AQP3: variants seen among roughly 807,000 people sequenced by gnomAD.
AQP3 encodes the protein aquaporin 3 (Gill blood group), also known as aquaporin-3.
Under a neutral mutation model 30.3 loss-of-function variants are expected in AQP3, and 15 were observed. The observed-to-expected ratio is 0.49, with a 90% CI of 0.33 to 0.76. The LOEUF is 0.76. AQP3 is among the 30% of genes least tolerant of loss of function. The pLI is 0.02. For synonymous variants in AQP3, 153 were observed against 163.2 expected (o/e 0.94, Z 0.47); for missense variants, 272 against 384.8 (o/e 0.71, Z 2.45).
intron 4 of AQP3, 159 bp from the exon 5 acceptor site, chr9:33,442,677 C>T: frequency 4.7e-6 from 5 of 1,073,706 alleles, no homozygotes; most frequent in Non-Finnish European, 7.1e-6. Context: ...TGACAAGAAC[C>T]CGCTGGAGAG....
At position 33,443,615 on chromosome 9, in the gene AQP3, C is replaced by A; in HGVS notation, c.235+151G>T. ...TAATCTCTGATTCCAAGGTGAGAGT[C>A]GAAAGTTCTAAGTGTCAAGTTTCTT... On this transcript the variant is annotated intron_variant, in intron 2 of 5. Coordinates refer to ENST00000297991, the MANE Select transcript of AQP3 (RefSeq NM_004925.5). This position sits in a 1 kb window ranked among gnomAD's most constrained non-coding sequence, Gnocchi z 5.0. 6.8e-7 allele frequency: 1 copy of A among 1,465,156 alleles called. No homozygotes were observed. Among genetic ancestry groups the A allele is most frequent in the Non-Finnish European group, 9.3e-7 (1 of 1,070,338 alleles). 90.8% of individuals were successfully genotyped at this position (1,465,156 alleles called of 1,614,324 possible). A position where few individuals can be genotyped will look rare whatever the true frequency, so the allele number is the denominator to read the frequency against.
intron 1 of AQP3, among the ~76,000 whole-genome samples, chr9:33,444,276 C>G (rs1826884492): frequency 6.6e-6 from 1 of 152,170 alleles, no homozygotes; most frequent in Non-Finnish European, 1.5e-5. Context: ...AGGTGGGAAG[C>G]CTCTCACTCA....
At position 33,441,825 on chromosome 9, in the gene AQP3, T is replaced by TTCC. The variant is rs1218612459; in HGVS notation, c.*215_*217dup. 11 of 709,330 alleles carry TTCC rather than the reference T, an allele frequency of 1.6e-5. No homozygotes were observed. Among genetic ancestry groups the TTCC allele is most frequent in the Non-Finnish European group, 2.6e-5 (11 of 420,552 alleles). 43.9% of individuals were successfully genotyped at this position (709,330 alleles called of 1,614,324 possible). A position where few individuals can be genotyped will look rare whatever the true frequency, so the allele number is the denominator to read the frequency against. Reference sequence around the variant, plus strand: ...AGACAAAAGGATGTATTGACCCAAATTCCGGTTCCACCCCAGCTTAGGGGC... The same window carrying TTCC: ...AGACAAAAGGATGTATTGACCCAAATTCCTCCGGTTCCACCCCAGCTTAGGGGC... On this transcript the variant is annotated 3_prime_UTR_variant, in exon 6 of 6. Transcript: ENST00000297991.
chr9:33,446,782 C>T (rs1255653554), intron 1 of AQP3, among the ~76,000 whole-genome samples: 1 of 152,184 alleles, frequency 6.6e-6, no homozygotes, highest in Non-Finnish European at 1.5e-5. Flanking sequence ...GCCTGGGAGT[C>T]GCTGAGCACC....
chr9:33,444,198 G>A (rs1563867581), intron 1 of AQP3, among the ~76,000 whole-genome samples: 1 of 152,204 alleles, frequency 6.6e-6, no homozygotes, highest in South Asian at 2.1e-4. Context: ...TTCAGCAGGC[G>A]TAGGTGTAGG....
intron 1 of AQP3, among the ~76,000 whole-genome samples, chr9:33,444,861 G>A (rs532141190): frequency 3.7e-4 from 57 of 152,186 alleles, no homozygotes; most frequent in Admixed American, 5.9e-4. Context: ...AGATTTGGAG[G>A]TCCTACAGAC....
In AQP3 at chr9:33,447,472, C is replaced by A; in HGVS notation, c.59G>T (p.Arg20Leu). The A allele has an allele frequency of 6.2e-7, 1 of 1,610,582 alleles. No individual in the cohort carries two copies. Among genetic ancestry groups the A allele is most frequent in the Non-Finnish European group, 8.5e-7 (1 of 1,178,876 alleles). ...CTCGGCCAGCGCCTGTCGGAGCAGCCGGTAGCGGATGTGGAGCATCTCCCC... is the reference window on the plus strand; with the variant it reads ...CTCGGCCAGCGCCTGTCGGAGCAGCAGGTAGCGGATGTGGAGCATCTCCCC... ...RCGEMLHIRYRLLRQALAECL... is the reference protein window; with the variant it reads ...RCGEMLHIRYLLLRQALAECL... Residue 20 changes from arginine (R) to leucine (L), a missense_variant, in exon 1 of 6, where the codon CGG becomes CTG. Physicochemically the swap from Arg to Leu is moderately radical, Grantham distance 102. This residue lies in a region of AQP3 where 51 missense variants were observed against 46.5 expected (regional missense o/e 1.10). Transcript: ENST00000297991.
Position 33,443,033 on chromosome 9 carries a change from G to C in AQP3, c.374-63C>G, listed in dbSNP as rs2231229. 5,170 of 1,478,538 alleles carry C rather than the reference G, an allele frequency of 3.5e-3. 152 individuals are homozygous for C. In the African/African-American group the frequency reaches 0.063, roughly 18 times the overall value. 91.6% of individuals were successfully genotyped at this position (1,478,538 alleles called of 1,614,324 possible). A position where few individuals can be genotyped will look rare whatever the true frequency, so the allele number is the denominator to read the frequency against. On this transcript the variant is annotated intron_variant, in intron 3 of 5. Coordinates refer to ENST00000297991, the MANE Select transcript of AQP3 (RefSeq NM_004925.5). This position sits in a 1 kb window ranked among gnomAD's most constrained non-coding sequence, Gnocchi z 5.0. ...GGCCTGAGCCCAGACTTCCCTCTCA[G>C]GTGTGCCCTCCCCACCCTCCCATGA...
intron 1 of AQP3, among the ~76,000 whole-genome samples, chr9:33,446,890 G>A (rs947413850): frequency 6.6e-6 from 1 of 152,130 alleles, no homozygotes; most frequent in African/African-American, 2.4e-5. Flanking sequence ...TTCGCTGTTC[G>A]CAGCCCATGT....
At position 33,441,872 on chromosome 9, in the gene AQP3, G is replaced by A. The variant is rs1341967959; in HGVS notation, c.*171C>T. On this transcript the variant is annotated 3_prime_UTR_variant, in exon 6 of 6. Transcript: ENST00000297991. ...GGGCAGTGGCCTAAGGTGCTATTTG[G>A]GCAAGGTCCAGTGGAAATCCTGAAG... 9.0e-7 allele frequency: 1 copy of A among 1,117,092 alleles called. No homozygotes were observed. Among genetic ancestry groups the A allele is most frequent in the Admixed American group, 2.3e-5 (1 of 44,444 alleles). The allele number at this position is 1,117,092 out of a possible 1,614,324, so 69.2% of individuals were successfully genotyped here.
In AQP3 at chr9:33,442,965, T is replaced by C; in HGVS notation, c.379A>G (p.Ile127Val). The C allele has an allele frequency of 1.2e-6, 2 of 1,613,752 alleles. No individual in the cohort carries two copies. Among genetic ancestry groups the C allele is most frequent in the Middle Eastern group, 1.7e-4 (1 of 6,060 alleles). The change falls in exon 4 of 6, where the codon ATC (isoleucine) becomes GTC (valine). Residue 127 changes from isoleucine (I) to valine (V), a missense_variant. Transcript: ENST00000297991. The stretch of plus-strand genomic sequence containing the variant: ...AGCTGGTTGTCGGCGAAGTGCCAGA[T>C]TGCATCTGGTGACAGATTAGACACA... Reference protein sequence around the residue: ...GIVFGLYYDAIWHFADNQLFV... With the variant: ...GIVFGLYYDAVWHFADNQLFV...
rs749786864 is a variant in AQP3 at position 33,442,931 on chromosome 9, G to A, written c.413C>T (p.Ser138Leu). ...GATGCCGGCTGTGCCATTGGGGCCC[G>A]AAACAAAAAGCTGGTTGTCGGCGAA... ...WHFADNQLFV[S>L]GPNGTAGIFA... The change falls in exon 4 of 6, where the codon TCG becomes TTG. Residue 138 changes from serine (S) to leucine (L), a missense_variant. Physicochemically the swap from Ser to Leu is moderately radical, Grantham distance 145 (BLOSUM62 -2). Around this residue, in one of 3 missense-constraint regions of AQP3, gnomAD observed 170 missense variants for 286.4 expected, o/e 0.59. Coordinates refer to ENST00000297991, the MANE Select transcript of AQP3 (RefSeq NM_004925.5). 54 of 1,614,088 alleles carry A rather than the reference G, an allele frequency of 3.3e-5. No individual in the cohort carries two copies. Among genetic ancestry groups the A allele is most frequent in the Non-Finnish European group, 4.5e-5 (53 of 1,180,036 alleles).
Position 33,443,687 on chromosome 9 carries a change from A to T in AQP3, c.235+79T>A. The T allele has an allele frequency of 1.3e-6, 2 of 1,599,016 alleles. No homozygotes were observed. Among genetic ancestry groups the T allele is most frequent in the Non-Finnish European group, 1.7e-6 (2 of 1,168,172 alleles). On this transcript the variant is annotated intron_variant, in intron 2 of 5. Transcript: ENST00000297991. This position sits in a 1 kb window ranked among gnomAD's most constrained non-coding sequence, Gnocchi z 5.0. ...GGCCAAAGCAGAGGCCACAGCTGTG[A>T]CCTGCCCTTAGGAATGCCAGGACAC...
chr9:33,441,830 G>T lies in AQP3; in HGVS notation c.*213C>A. On this transcript the variant is annotated 3_prime_UTR_variant, in exon 6 of 6. Transcript: ENST00000297991. ...AAAGGATGTATTGACCCAAATTCCGGTTCCACCCCAGCTTAGGGGCAGTGG... is the reference window on the plus strand; with the variant it reads ...AAAGGATGTATTGACCCAAATTCCGTTTCCACCCCAGCTTAGGGGCAGTGG... The T allele has an allele frequency of 1.3e-6, 1 of 746,850 alleles. No homozygotes were observed. The highest frequency in any genetic ancestry group is 2.2e-6 in the Non-Finnish European group (1 of 452,308). 46.3% of individuals were successfully genotyped at this position (746,850 alleles called of 1,614,324 possible). A position where few individuals can be genotyped will look rare whatever the true frequency, so the allele number is the denominator to read the frequency against.
intron 1 of AQP3, among the ~76,000 whole-genome samples, chr9:33,447,130 C>A (rs1366327247): frequency 6.6e-6 from 1 of 152,242 alleles, no homozygotes; most frequent in Admixed American, 6.5e-5. Context: ...GCAAGCGTGA[C>A]CGCTGCCCCC....
Position 33,442,622 on chromosome 9 carries a change from C to T in AQP3, c.493-104G>A, listed in dbSNP as rs903969944. The stretch of plus-strand genomic sequence containing the variant: ...TAGCTCTTAAACTCTTGTCAGCGCC[C>T]GCCCATGCTCTTCTCCTGAAAGCAA... On this transcript the variant is annotated intron_variant, in intron 4 of 5. Transcript: ENST00000297991. The T allele has an allele frequency of 5.9e-5, 74 of 1,253,604 alleles. No homozygotes were observed. In the East Asian group the frequency reaches 1.0e-3, roughly 17 times the overall value. The allele number at this position is 1,253,604 out of a possible 1,614,324, so 77.7% of individuals were successfully genotyped here. A position where few individuals can be genotyped will look rare whatever the true frequency, so the allele number is the denominator to read the frequency against.
chr9:33,447,520 T>A lies in AQP3; in HGVS notation c.11A>T (p.Gln4Leu), dbSNP rs1481293569. The A allele has an allele frequency of 6.2e-7, 1 of 1,605,478 alleles. No individual in the cohort carries two copies. Among genetic ancestry groups the A allele is most frequent in the East Asian group, 2.2e-5 (1 of 44,574 alleles). MGR[Q>L]KELVSRCGEM... is the part of the protein sequence containing the mutation. ...CCCGCAGCGGGACACCAGCTCCTTCTGTCGACCCATGGCGGGGCAGGCGGC... is the reference window on the plus strand; with the variant it reads ...CCCGCAGCGGGACACCAGCTCCTTCAGTCGACCCATGGCGGGGCAGGCGGC... Residue 4 changes from glutamine to leucine, a missense_variant, in exon 1 of 6, where the codon CAG becomes CTG. Gln to Leu is a moderately radical substitution (Grantham distance 113). Coordinates refer to ENST00000297991, the MANE Select transcript of AQP3 (RefSeq NM_004925.5).
At chr9:33,446,618 G>T (rs927799503) in intron 1 of AQP3, among the ~76,000 whole-genome samples, 3 of 152,178 alleles carry the variant, frequency 2.0e-5, no homozygotes, top group Non-Finnish European at 4.4e-5. Context: ...GGTGAAACTG[G>T]TGTGACCAAG....
rs755214429 is a variant in AQP3 at position 33,442,118 on chromosome 9, G to A, written c.804C>T (p.His268=). 1.9e-6 allele frequency: 3 copies of A among 1,613,672 alleles called. No homozygotes were observed. The highest frequency in any genetic ancestry group is 4.5e-5 in the East Asian group (2 of 44,868). ...VFVYQLMIGC[H]LEQPPPSNEE... Reference sequence around the variant, plus strand: ...CGTTGGAGGGTGGGGGCTGCTCCAGGTGGCAGCCGATCATCAGCTGGTACA... The same window carrying A: ...CGTTGGAGGGTGGGGGCTGCTCCAGATGGCAGCCGATCATCAGCTGGTACA... Residue 268 remains histidine, a synonymous_variant, in exon 6 of 6, where the codon CAC becomes CAT. Transcript: ENST00000297991.
Sources: gnomAD v4.1 joint callset for allele counts (sites outside exome capture counted in the v4.1 genomes callset) on GRCh38, gnomAD v4.1.1 for gene constraint, gnomAD v4.1.1 regional missense constraint, Gnocchi (gnomAD v3.1) non-coding constraint, MANE v1.5 for transcripts, NCBI Gene and HGNC (gene_info 2026-07-23, HGNC 2026-07-21) for gene names.